The following CDC73 variants were observed in gnomAD, a reference collection of about 807,000 sequenced individuals.
CDC73 encodes the protein parafibromin.
In CDC73, 21 loss-of-function variants were observed where a neutral mutation model predicts 83.7. That is an observed-to-expected ratio of 0.25 (90% CI 0.18 to 0.36). CDC73 has a LOEUF of 0.36. CDC73 is among the 10% of genes least tolerant of loss of function. The pLI, the probability that CDC73 is intolerant of heterozygous loss-of-function variation, is 1.00. For synonymous variants in CDC73, 224 were observed against 212.9 expected (o/e 1.05, Z -0.45); for missense variants, 342 against 653.3 (o/e 0.52, Z 5.19).
intron 7 of CDC73, among the ~76,000 whole-genome samples, chr1:193,146,159 T>G (rs1675997094): frequency 6.6e-6 from 1 of 152,136 alleles, no homozygotes; most frequent in African/African-American, 2.4e-5. Flanking sequence ...CATGTCTTTT[T>G]TGATCATCAT....
At chr1:193,203,528 T>C (rs534967038) in intron 10 of CDC73, among the ~76,000 whole-genome samples, 1 of 152,328 alleles carries the variant, frequency 6.6e-6, no homozygotes, top group East Asian at 1.9e-4. Context: ...TATTACATGC[T>C]TACAGTAACT....
At chr1:193,188,366 T>C (rs1676856466) in intron 10 of CDC73, among the ~76,000 whole-genome samples, 2 of 152,212 alleles carry the variant, frequency 1.3e-5, no homozygotes, top group African/African-American at 2.4e-5. Flanking sequence ...TTTGTTTTCT[T>C]TTTAAATCTA....
intron 15 of CDC73, among the ~76,000 whole-genome samples, chr1:193,238,494 CCT>C (rs1677802341): frequency 1.3e-5 from 2 of 152,176 alleles, no homozygotes; most frequent in East Asian, 3.8e-4. Flanking sequence ...CTCCTTTACT[CCT>C]TTTTAAGTTA....
rs183171651 is a variant in CDC73 at position 193,139,391 on chromosome 1, C to T, written c.512+1218C>T. Among the ~76,000 whole-genome samples the T allele has an allele frequency of 1.9e-3, 286 of 151,988 alleles. 9 individuals carry two copies. The highest frequency in any genetic ancestry group is 1.5e-3 in the South Asian group (7 of 4,806). ...AAGTGATTCTCCTGCCTCAGCCTCC[C>T]GAGTAGCTGGGATTACAGGTGCATG... On this transcript the variant is annotated intron_variant, in intron 6 of 16. Transcript: ENST00000367435.
intron 13 of CDC73, among the ~76,000 whole-genome samples, chr1:193,215,483 A>G (rs1419076265): frequency 1.3e-5 from 2 of 152,200 alleles, no homozygotes; most frequent in South Asian, 4.1e-4. Flanking sequence ...TGTACTGTGG[A>G]GATACCTAAC....
intron 15 of CDC73, among the ~76,000 whole-genome samples, chr1:193,238,380 C>G (rs1025528588): frequency 6.6e-6 from 1 of 152,172 alleles, no homozygotes; most frequent in Non-Finnish European, 1.5e-5. Flanking sequence ...CTGTTCATAT[C>G]CCCTGTAGTC....
rs566318100 is a variant in CDC73, at chr1:193,196,925, C to G, written c.973-6870C>G. On this transcript the variant is annotated intron_variant, in intron 10 of 16. Coordinates refer to ENST00000367435, the MANE Select transcript of CDC73 (RefSeq NM_024529.5). ...TACCTCTTCCTTTCCAATTTGAATG[C>G]CTTCTGTTTTTCTTGCCTAATTTCT... 6.6e-5 allele frequency among the ~76,000 whole-genome samples: 10 copies of G among 152,192 alleles called. No individual in the cohort carries two copies. The South Asian group carries it at 2.1e-3, about 32-fold the overall frequency.
intron 14 of CDC73, among the ~76,000 whole-genome samples, 193 bp downstream of exon 14, chr1:193,233,347 C>T (rs1408685414): frequency 2.0e-5 from 3 of 152,210 alleles, no homozygotes; most frequent in Non-Finnish European, 4.4e-5. Context: ...AGGTGCATGC[C>T]ACTGCACCTG....
Position 193,205,206 on chromosome 1 carries a change from C to G in CDC73, c.1030+1354C>G, listed in dbSNP as rs1164301466. 4.0e-4 allele frequency among the ~76,000 whole-genome samples: 47 copies of G among 118,666 alleles called. 2 individuals carry two copies. The highest frequency in any genetic ancestry group is 7.9e-4 in the Non-Finnish European group (45 of 57,048). 77.8% of individuals were successfully genotyped at this position (118,666 alleles called of 152,430 possible). On this transcript the variant is annotated intron_variant, in intron 11 of 16. Transcript: ENST00000367435. ...GGCTATACCACCTGTCCCCCCCCCC[C>G]CCTTTTTTTTTAAACTCATCAGTGC...
At chr1:193,236,466 G>C (rs930423674) in intron 15 of CDC73, 110 bp downstream of exon 15, 2 of 754,850 alleles carry the variant, frequency 2.6e-6, no homozygotes, top group Non-Finnish European at 4.8e-6. Context: ...AAAGATTGCT[G>C]TTAAGTAACA....
chr1:193,176,932 A>G (rs1676612888), intron 10 of CDC73, among the ~76,000 whole-genome samples: 1 of 152,194 alleles, frequency 6.6e-6, no homozygotes, highest in Non-Finnish European at 1.5e-5. Flanking sequence ...CCAAAGAAGC[A>G]AGAGATAAGC....
chr1:193,214,330 C>T (rs554658079), intron 13 of CDC73, among the ~76,000 whole-genome samples: 47 of 152,270 alleles, frequency 3.1e-4, no homozygotes, highest in African/African-American at 1.1e-3. Context: ...ATAGTATAAC[C>T]CATTTTAGTA....
At chr1:193,202,003 A>G (rs1219488965) in intron 10 of CDC73, among the ~76,000 whole-genome samples, 1 of 152,148 alleles carries the variant, frequency 6.6e-6, no homozygotes, top group East Asian at 1.9e-4. Flanking sequence ...ATGTCTGCAT[A>G]TATGCCTGCT....
chr1:193,214,545 G>T (rs922886870), intron 13 of CDC73, among the ~76,000 whole-genome samples: 1 of 151,936 alleles, frequency 6.6e-6, no homozygotes, highest in Non-Finnish European at 1.5e-5. Context: ...GTGAAACCCC[G>T]TCTCTACTAA....
rs957848234 is a variant in CDC73 at position 193,251,525 on chromosome 1, T to C, written c.*813T>C. The C allele has an allele frequency of 4.3e-6, 1 of 232,164 alleles. No individual in the cohort carries two copies. The highest frequency in any genetic ancestry group is 8.5e-6 in the Non-Finnish European group (1 of 117,048). 14.4% of individuals were successfully genotyped at this position (232,164 alleles called of 1,614,324 possible). A position where few individuals can be genotyped will look rare whatever the true frequency, so the allele number is the denominator to read the frequency against. On this transcript the variant is annotated 3_prime_UTR_variant, in exon 17 of 17. Transcript: ENST00000367435. ...AGTATAACTTTAAGCTCCTTTTCTC[T>C]TTAGTCCACTTTTGATTGTAATTTT...
At chr1:193,234,292 A>ATATATATATAATATATATAATATACATAT (rs1677719881) in intron 14 of CDC73, among the ~76,000 whole-genome samples, 1 of 138,778 alleles carries the variant, frequency 7.2e-6, no homozygotes, top group African/African-American at 2.7e-5. Context: ...TATACATATT[A>ATATATATATAATATATATAATATACATAT]TATATATAAT....
At chr1:193,221,262 G>A (rs562710115) in intron 13 of CDC73, among the ~76,000 whole-genome samples, 16 of 152,240 alleles carry the variant, frequency 1.1e-4, no homozygotes, top group East Asian at 5.8e-4. Flanking sequence ...TGTGCAACCC[G>A]TGAATTAATT....
intron 13 of CDC73, among the ~76,000 whole-genome samples, chr1:193,215,488 C>A (rs1005929302): frequency 7.9e-4 from 120 of 152,118 alleles, no homozygotes; most frequent in African/African-American, 2.8e-3. Context: ...TGTGGAGATA[C>A]CTAACAAACA....
chr1:193,133,908 A>AT (rs35439221), intron 3 of CDC73, among the ~76,000 whole-genome samples: 113 of 147,048 alleles, frequency 7.7e-4, no homozygotes, highest in East Asian at 6.3e-3. Context: ...CGGAGATAGG[A>AT]TTTTTTTTTT....
Sources: allele counts gnomAD v4.1 joint callset (sites outside exome capture counted in the v4.1 genomes callset), GRCh38; gene constraint gnomAD v4.1.1; transcripts MANE v1.5; gene names NCBI Gene and HGNC (gene_info 2026-07-23, HGNC 2026-07-21).